SEPTIN14: variants seen among roughly 807,000 people sequenced by gnomAD.
SEPTIN14 encodes the protein septin-14.
In SEPTIN14, 40 loss-of-function variants were observed where a neutral mutation model predicts 53.6. That is an observed-to-expected ratio of 0.75 (90% confidence interval 0.58 to 0.97). SEPTIN14 has a LOEUF of 0.97. SEPTIN14 is among the 50% of genes least tolerant of loss of function. The pLI, the probability that SEPTIN14 is intolerant of heterozygous loss-of-function variation, is 0.00. For synonymous variants in SEPTIN14, 138 were observed against 166.8 expected, an observed-to-expected ratio of 0.83 and a Z score of 1.33; for missense variants, 471 against 508.2, an observed-to-expected ratio of 0.93 and a Z score of 0.70.
chr7:55,812,919 T>C (rs371221837), intron 7 of SEPTIN14, among the ~76,000 whole-genome samples: 5 of 151,292 alleles, frequency 3.3e-5, no homozygotes, highest in Admixed American at 6.6e-5. Context: ...CTACACAACA[T>C]AGGGCAGAAT....
At chr7:55,810,918 G>A in intron 7 of SEPTIN14, 1 of 369,418 alleles carries the variant, frequency 2.7e-6, no homozygotes, top group Non-Finnish European at 5.3e-6. Context: ...TAGGGTAACA[G>A]TGATAGCACA....
chr7:55,838,564 T>C (rs1244774115), intron 5 of SEPTIN14, among the ~76,000 whole-genome samples: 2 of 127,468 alleles, frequency 1.6e-5, no homozygotes, highest in Admixed American at 1.8e-4. Context: ...TTTCTTTCTT[T>C]CTCTCTTTCT....
At chr7:55,799,978 A>G (rs1371687998) in intron 9 of SEPTIN14, among the ~76,000 whole-genome samples, 1 of 152,208 alleles carries the variant, frequency 6.6e-6, no homozygotes, top group Non-Finnish European at 1.5e-5. Context: ...TAGATCATAT[A>G]TTGGGCCACA....
At chr7:55,802,618 C>T (rs1788541747) in intron 9 of SEPTIN14, among the ~76,000 whole-genome samples, 1 of 152,084 alleles carries the variant, frequency 6.6e-6, no homozygotes, top group East Asian at 1.9e-4. Context: ...AAAGACTTAA[C>T]CGCTATAAGA....
chr7:55,796,245 A>T (rs1434859671), intron 9 of SEPTIN14, among the ~76,000 whole-genome samples, 153 bp from the exon 10 acceptor site: 1 of 152,072 alleles, frequency 6.6e-6, no homozygotes, highest in Admixed American at 6.6e-5. Flanking sequence ...AAACACTGAG[A>T]TATGGAATTT....
chr7:55,811,394 G>T, intron 7 of SEPTIN14: 1 of 488,234 alleles, frequency 2.0e-6, no homozygotes, highest in Non-Finnish European at 4.2e-6. Context: ...CCCAACTACT[G>T]CCCTTTCTAG....
At chr7:55,802,619 C>T (rs1054605765) in intron 9 of SEPTIN14, among the ~76,000 whole-genome samples, 2 of 151,948 alleles carry the variant, frequency 1.3e-5, no homozygotes, top group South Asian at 2.1e-4. Context: ...AAGACTTAAC[C>T]GCTATAAGAT....
At chr7:55,804,142 A>G (rs1310139584) in intron 9 of SEPTIN14, among the ~76,000 whole-genome samples, 1 of 145,262 alleles carries the variant, frequency 6.9e-6, no homozygotes, top group Non-Finnish European at 1.5e-5. Flanking sequence ...TCTAAAAAAA[A>G]AAAAAAAAAA....
chr7:55,845,318 A>G (rs575703028), intron 3 of SEPTIN14, among the ~76,000 whole-genome samples: 3 of 151,746 alleles, frequency 2.0e-5, no homozygotes, highest in Admixed American at 6.6e-5. Flanking sequence ...ATGTTCATCA[A>G]TGGTAGACTG....
chr7:55,797,357 T>C (rs181745003), intron 9 of SEPTIN14, among the ~76,000 whole-genome samples: 25 of 152,278 alleles, frequency 1.6e-4, no homozygotes, highest in Non-Finnish European at 3.1e-4. Flanking sequence ...CAAGTCACAA[T>C]ATAATCAAAT....
intron 5 of SEPTIN14, among the ~76,000 whole-genome samples, chr7:55,835,232 G>A (rs533219264): frequency 1.3e-5 from 2 of 150,710 alleles, no homozygotes; most frequent in South Asian, 2.1e-4. Flanking sequence ...ACAGAGTCTG[G>A]CTCTGTTGCC....
chr7:55,860,647 C>CA (rs1789728037), intron 2 of SEPTIN14, among the ~76,000 whole-genome samples: 2 of 152,170 alleles, frequency 1.3e-5, no homozygotes, highest in South Asian at 4.2e-4. Context: ...ACATGTACCC[C>CA]ATCAATATGT....
chr7:55,854,498 C>T (rs568714196), intron 2 of SEPTIN14, among the ~76,000 whole-genome samples: 40 of 151,840 alleles, frequency 2.6e-4, no homozygotes, highest in African/African-American at 9.4e-4. Flanking sequence ...AGTGCGATCT[C>T]GGCTCACTGC....
chr7:55,853,599 C>G (rs1789555883), intron 2 of SEPTIN14, among the ~76,000 whole-genome samples: 1 of 151,898 alleles, frequency 6.6e-6, no homozygotes, highest in African/African-American at 2.4e-5. Flanking sequence ...TGAATAGGGC[C>G]CAGTATTTGG....
chr7:55,840,904 T>TATTC (rs1363527924), intron 5 of SEPTIN14, among the ~76,000 whole-genome samples: 1 of 151,936 alleles, frequency 6.6e-6, no homozygotes, highest in African/African-American at 2.4e-5. Context: ...ATTTATTTAT[T>TATTC]ATTTATTTAT....
chr7:55,801,877 T>C (rs74323963), intron 9 of SEPTIN14, among the ~76,000 whole-genome samples: 27,071 of 151,928 alleles, frequency 0.18, 3,232 homozygotes, highest in East Asian at 0.43. Context: ...GCTGAGATCG[T>C]GCCACTTCAC....
chr7:55,856,904 C>G (rs970947837), intron 2 of SEPTIN14, among the ~76,000 whole-genome samples: 1 of 151,630 alleles, frequency 6.6e-6, no homozygotes, highest in Non-Finnish European at 1.5e-5. Context: ...GAAACCCCAT[C>G]CCTACTAAAA....
At chr7:55,822,036 T>G (rs1471534505) in intron 6 of SEPTIN14, among the ~76,000 whole-genome samples, 1 of 152,092 alleles carries the variant, frequency 6.6e-6, no homozygotes, top group Non-Finnish European at 1.5e-5. Flanking sequence ...TCAGATCTCG[T>G]GAGACTTATT....
At chr7:55,807,035 T>C in intron 8 of SEPTIN14, 55 bp downstream of exon 8, 5 of 1,285,962 alleles carry the variant, frequency 3.9e-6, no homozygotes, top group Non-Finnish European at 4.3e-6. Context: ...ATACCTTGTG[T>C]TTGTAGGGAC....
Sources: allele counts gnomAD v4.1 joint callset (sites outside exome capture counted in the v4.1 genomes callset), GRCh38; gene constraint gnomAD v4.1.1; transcripts MANE v1.5; gene names NCBI Gene and HGNC (gene_info 2026-07-23, HGNC 2026-07-21).